PCDHA5: variants seen among roughly 807,000 people sequenced by gnomAD.
PCDHA5 encodes protocadherin alpha-5.
A neutral mutation model predicts 61.6 loss-of-function variants in PCDHA5; 43 were observed. The observed-to-expected ratio is 0.70, with a 90% confidence interval of 0.55 to 0.90. The LOEUF (loss-of-function observed/expected upper bound fraction) is 0.90. Among genes scored for constraint, PCDHA5 ranks in the 40% least tolerant of loss-of-function variants. The pLI is 0.00. For missense variants in PCDHA5, 1,298 were observed against 1,222.7 expected, an observed-to-expected ratio of 1.06 and a Z score of -0.92; for synonymous variants, 627 against 543.9, an observed-to-expected ratio of 1.15 and a Z score of -2.13.
chr5:140,899,674 T>A (rs2067476984), intron 1 of PCDHA5, among the ~76,000 whole-genome samples: 1 of 152,220 alleles, frequency 6.6e-6, no homozygotes, highest in African/African-American at 2.4e-5. Flanking sequence ...GGCTTTGGTA[T>A]CAGGATGATG....
At position 140,857,227 on chromosome 5, in the gene PCDHA5, G is replaced by T. The variant is rs148283153; in HGVS notation, c.2352+33100G>T. On this transcript the variant is annotated intron_variant, in intron 1 of 3. Transcript: ENST00000529859. ...CCTGCTCTCTGACGCCTCACGTTCC[G>T]TTCAAGCTGGTGTCCACCTACAAGA... is the stretch of plus-strand genomic sequence containing the variant. The T allele has an allele frequency of 7.5e-6, 12 of 1,598,330 alleles. No homozygotes were observed. In the African/African-American group the frequency reaches 1.5e-4, roughly 20 times the overall value.
At chr5:140,875,286 G>GA (rs1582198607) in intron 1 of PCDHA5, 2 of 1,381,840 alleles carry the variant, frequency 1.4e-6, no homozygotes, top group South Asian at 3.3e-5. Flanking sequence ...GGTGAAACAG[G>GA]AAAATTTTTT....
chr5:140,855,933 T>C, intron 1 of PCDHA5: 1 of 1,295,336 alleles, frequency 7.7e-7, no homozygotes, highest in Non-Finnish European at 1.1e-6. Flanking sequence ...AGCGTCATTC[T>C]GAGATCTCAG....
At chr5:140,974,856 C>G (rs2096643713) in intron 1 of PCDHA5, among the ~76,000 whole-genome samples, 1 of 152,104 alleles carries the variant, frequency 6.6e-6, no homozygotes, top group African/African-American at 2.4e-5. Context: ...TTCCCTTTTG[C>G]CTTAATGCGG....
chr5:140,884,797 T>A, intron 1 of PCDHA5: 1 of 1,276,990 alleles, frequency 7.8e-7, no homozygotes, highest in Non-Finnish European at 1.1e-6. Flanking sequence ...TTATCGAATT[T>A]AACAACTCTG....
chr5:140,872,165 C>CT (rs781807025), intron 1 of PCDHA5, among the ~76,000 whole-genome samples: 5,631 of 144,184 alleles, frequency 0.039, 139 homozygotes, highest in African/African-American at 0.065. Flanking sequence ...ATTTACTTTT[C>CT]TTTTTTTTTT....
chr5:140,963,301 A>T (rs2095755158), intron 1 of PCDHA5, among the ~76,000 whole-genome samples: 1 of 152,238 alleles, frequency 6.6e-6, no homozygotes, highest in Non-Finnish European at 1.5e-5. Flanking sequence ...GAGAGAAAAT[A>T]AGAAGCTGTT....
At position 140,856,428 on chromosome 5, in the gene PCDHA5, A is replaced by G. The variant is rs782670614; in HGVS notation, c.2352+32301A>G. On this transcript the variant is annotated intron_variant, in intron 1 of 3. Coordinates refer to ENST00000529859, the MANE Select transcript of PCDHA5 (RefSeq NM_018908.3). ...GACGTGGAAGTGAAGGACATTAACG[A>G]CAACCCGCCCAGGTTCTCCGTAACA... The G allele has an allele frequency of 5.0e-6, 8 of 1,598,286 alleles. No homozygotes were observed. The East Asian group carries it at 1.8e-4, about 36-fold the overall frequency.
intron 1 of PCDHA5, chr5:140,850,998 C>T (rs1333674670): frequency 6.9e-7 from 1 of 1,440,098 alleles, no homozygotes; most frequent in Non-Finnish European, 9.2e-7. Context: ...TCTAGAAATC[C>T]AGCAGATTTT....
intron 1 of PCDHA5, among the ~76,000 whole-genome samples, chr5:140,907,353 A>C (rs1312030991): frequency 3.3e-5 from 5 of 152,234 alleles, no homozygotes; most frequent in Non-Finnish European, 7.3e-5. Flanking sequence ...CCGCTGCTGC[A>C]CTTCTTTAGT....
At chr5:140,950,429 T>G (rs1339598073) in intron 1 of PCDHA5, among the ~76,000 whole-genome samples, 1 of 151,896 alleles carries the variant, frequency 6.6e-6, no homozygotes, top group Admixed American at 6.6e-5. Context: ...TTCTTCCACT[T>G]AAAAAAAATG....
At chr5:140,863,590 A>G (rs1182896433) in intron 1 of PCDHA5, 1 of 358,846 alleles carries the variant, frequency 2.8e-6, no homozygotes, top group African/African-American at 2.1e-5. Flanking sequence ...CCTGGAAAGT[A>G]TTTCATTCCT....
At chr5:140,902,203 C>CTTTTTTTTT (rs148688132) in intron 1 of PCDHA5, among the ~76,000 whole-genome samples, 1 of 124,460 alleles carries the variant, frequency 8.0e-6, no homozygotes. Flanking sequence ...CTCTCTCTTT[C>CTTTTTTTTT]TTTTTTTTTT....
intron 1 of PCDHA5, chr5:140,862,267 A>G (rs968907254): frequency 8.7e-6 from 2 of 230,002 alleles, no homozygotes; most frequent in African/African-American, 4.5e-5. Flanking sequence ...GCAGTAAGTC[A>G]CTATCATTCC....
chr5:140,971,236 G>A (rs1384010579), intron 1 of PCDHA5, among the ~76,000 whole-genome samples: 2 of 152,088 alleles, frequency 1.3e-5, no homozygotes, highest in East Asian at 3.9e-4. Flanking sequence ...AAAGCTTGGG[G>A]CAATTTGATA....
chr5:140,891,933 C>T (rs1554185011), intron 1 of PCDHA5, among the ~76,000 whole-genome samples: 1 of 152,220 alleles, frequency 6.6e-6, no homozygotes, highest in African/African-American at 2.4e-5. Flanking sequence ...TGATCTTGGA[C>T]TTCCCCTAGG....
chr5:140,870,242 T>A (rs1554163936), intron 1 of PCDHA5: 1 of 1,614,142 alleles, frequency 6.2e-7, no homozygotes, highest in East Asian at 2.2e-5. Flanking sequence ...GACTCAGGTG[T>A]CAACGGACAG....
chr5:140,913,781 A>G (rs1554196050), intron 1 of PCDHA5, among the ~76,000 whole-genome samples: 2 of 151,976 alleles, frequency 1.3e-5, no homozygotes, highest in African/African-American at 4.8e-5. Flanking sequence ...TTGTGTTTCC[A>G]TTATCATTTG....
At chr5:140,866,405 A>AT (rs2049338047) in intron 1 of PCDHA5, 1 of 152,116 alleles carries the variant, frequency 6.6e-6, no homozygotes, top group Non-Finnish European at 1.5e-5. Context: ...TCCCATGAAA[A>AT]TCTTCAAATG....
Sources: allele counts gnomAD v4.1 joint callset (sites outside exome capture counted in the v4.1 genomes callset), GRCh38; gene constraint gnomAD v4.1.1; transcripts MANE v1.5; gene names NCBI Gene and HGNC (gene_info 2026-07-23, HGNC 2026-07-21).